The following F5 variants were observed in gnomAD, a reference collection of about 807,000 sequenced individuals.
The protein encoded by F5 is activated protein c cofactor.
F5 carries 138 observed loss-of-function variants against 216.4 expected under a neutral mutation model. That is an observed-to-expected ratio of 0.64 (90% CI 0.56 to 0.73). The LOEUF is 0.73. Ranked by LOEUF, F5 falls within the 30% of genes least tolerant of loss-of-function variation. F5 has a pLI of 0.00. For synonymous variants in F5, 916 were observed against 930.7 expected (o/e 0.98, Z 0.29); for missense variants, 2,403 against 2,674.0 (o/e 0.90, Z 2.24).
chr1:169,582,095 AC>A (rs1029227297), intron 2 of F5, among the ~76,000 whole-genome samples: 3 of 152,222 alleles, frequency 2.0e-5, no homozygotes, highest in African/African-American at 7.2e-5. Context: ...AAATTCAAAC[AC>A]TTATAAGTTT....
In F5 at chr1:169,530,894, A is replaced by G. The variant is rs1327498328; in HGVS notation, c.5100T>C (p.Val1700=). ...SPEWFKEDNA[V]QPNSSYTYVW... is the part of the protein sequence containing the mutation. ...CGTAGGTATAACTGCTATTTGGCTG[A>G]ACAGCATTATCTTCCTTAAACCATT... The change falls in exon 15 of 25, where the codon GTT becomes GTC. Residue 1700 remains valine (V), a synonymous_variant. Coordinates refer to ENST00000367797, the MANE Select transcript of F5 (RefSeq NM_000130.5). 2 of 1,614,006 alleles carry G rather than the reference A, an allele frequency of 1.2e-6. No individual in the cohort carries two copies. Among genetic ancestry groups the G allele is most frequent in the Non-Finnish European group, 1.7e-6 (2 of 1,179,894 alleles).
At chr1:169,561,523 G>A (rs1196686483) in intron 3 of F5, among the ~76,000 whole-genome samples, 4 of 152,122 alleles carry the variant, frequency 2.6e-5, no homozygotes, top group Non-Finnish European at 5.9e-5. Context: ...TAAAAGAAGT[G>A]TAGAGGGTTG....
intron 12 of F5, among the ~76,000 whole-genome samples, chr1:169,543,371 A>G (rs1659917692): frequency 6.6e-6 from 1 of 152,204 alleles, no homozygotes; most frequent in African/African-American, 2.4e-5. Context: ...TAAGCACATG[A>G]CCAGTGCGTT....
At chr1:169,568,614 G>A (rs1660661831) in intron 3 of F5, among the ~76,000 whole-genome samples, 2 of 152,144 alleles carry the variant, frequency 1.3e-5, no homozygotes, top group South Asian at 4.1e-4. Context: ...AGCACAAGAA[G>A]TCCTTGTTCA....
At chr1:169,564,641 C>G (rs1388155668) in intron 3 of F5, among the ~76,000 whole-genome samples, 1 of 152,024 alleles carries the variant, frequency 6.6e-6, no homozygotes, top group African/African-American at 2.4e-5. Flanking sequence ...GTCTGAGATG[C>G]TAAATTTCCA....
rs201931929 is a variant in F5, at chr1:169,540,414, T to C, written c.4676A>G (p.Asn1559Ser). ...AATGTTGTCAGGATCTCTGGAGGAG[T>C]TGATGTTTGTCCTAACATCAGTTTT... ...PYKTDVRTNI[N>S]SSRDPDNIAA... Residue 1559 changes from asparagine (N) to serine (S), a missense_variant, in exon 13 of 25, where the codon AAC (asparagine) becomes AGC (serine). Coordinates refer to ENST00000367797, the MANE Select transcript of F5 (RefSeq NM_000130.5). 14 of 1,613,936 alleles carry C rather than the reference T, an allele frequency of 8.7e-6. No individual in the cohort carries two copies. In the Admixed American group the frequency reaches 1.2e-4, roughly 13 times the overall value.
Position 169,550,749 on chromosome 1 carries a change from TAAATC to T in F5, c.1297-15_1297-11del, listed in dbSNP as rs762142127. On this transcript the variant is annotated splice_polypyrimidine_tract_variant and intron_variant, in intron 8 of 24. Transcript: ENST00000367797. The stretch of plus-strand genomic sequence containing the variant: ...TATTTTTGAACACGATCTACAAAGT[TAAATC>T]AAATTTATTCTAGGATTTAAGGTTG... The T allele has an allele frequency of 3.5e-5, 56 of 1,581,530 alleles. No individual in the cohort carries two copies. Among genetic ancestry groups the T allele is most frequent in the Non-Finnish European group, 4.8e-5 (55 of 1,150,438 alleles).
intron 12 of F5, among the ~76,000 whole-genome samples, chr1:169,543,673 A>G (rs1659929215): frequency 6.6e-6 from 1 of 152,228 alleles, no homozygotes; most frequent in Non-Finnish European, 1.5e-5. Context: ...TTGCTGGAAC[A>G]TCAAAGATTT....
intron 3 of F5, among the ~76,000 whole-genome samples, chr1:169,569,212 A>G (rs551008658): frequency 6.6e-6 from 1 of 152,222 alleles, no homozygotes; most frequent in African/African-American, 2.4e-5. Context: ...CATTAAGTCA[A>G]GCATTGGAAT....
chr1:169,549,166 C>A (rs1003455535), intron 10 of F5, among the ~76,000 whole-genome samples: 10 of 152,172 alleles, frequency 6.6e-5, no homozygotes, highest in Non-Finnish European at 8.8e-5. Flanking sequence ...TCTTTGGTTA[C>A]AGTTTAGCAT....
At chr1:169,532,400 A>C (rs1486113630) in intron 14 of F5, among the ~76,000 whole-genome samples, 1 of 152,204 alleles carries the variant, frequency 6.6e-6, no homozygotes, top group Non-Finnish European at 1.5e-5. Context: ...AAAAGAAGTT[A>C]AAGTATCTCT....
chr1:169,516,622 G>A (rs958222409), intron 23 of F5, among the ~76,000 whole-genome samples: 2 of 152,170 alleles, frequency 1.3e-5, no homozygotes, highest in African/African-American at 4.8e-5. Flanking sequence ...ATCTTAGTGT[G>A]TCTTCATATC....
At chr1:169,556,515 G>T in intron 6 of F5, 131 bp downstream of exon 6, 1 of 726,870 alleles carries the variant, frequency 1.4e-6, no homozygotes, top group Non-Finnish European at 2.3e-6. Flanking sequence ...ATCTAAGTTT[G>T]GTTGTTAGGA....
chr1:169,518,517 C>T lies in F5; in HGVS notation c.6240G>A (p.Lys2080=). 6.2e-7 allele frequency: 1 copy of T among 1,613,870 alleles called. No homozygotes were observed. Among genetic ancestry groups the T allele is most frequent in the Non-Finnish European group, 8.5e-7 (1 of 1,179,894 alleles). ...LGMENGKIEN[K]QITASSFKKS... Reference sequence around the variant, plus strand: ...TCTTAAACGAAGAAGCTGTGATTTGCTTGTTTTCTATCTTTCCATTTTCCA... The same window carrying T: ...TCTTAAACGAAGAAGCTGTGATTTGTTTGTTTTCTATCTTTCCATTTTCCA... The change falls in exon 23 of 25, where the codon AAG becomes AAA. Residue 2080 remains lysine, a synonymous_variant. Transcript: ENST00000367797.
intron 13 of F5, among the ~76,000 whole-genome samples, chr1:169,538,845 G>A (rs1659766672): frequency 6.6e-6 from 1 of 152,110 alleles, no homozygotes; most frequent in Admixed American, 6.6e-5. Flanking sequence ...GGATTTTTAT[G>A]GTGATGGTGA....
chr1:169,538,714 T>C (rs867097303), intron 13 of F5, among the ~76,000 whole-genome samples: 3 of 152,280 alleles, frequency 2.0e-5, no homozygotes, highest in Middle Eastern at 3.4e-3. Flanking sequence ...CTGATTCCAT[T>C]TATGTAATAT....
chr1:169,552,528 T>G, intron 8 of F5, 29 bp downstream of exon 8: 1 of 1,587,480 alleles, frequency 6.3e-7, no homozygotes, highest in South Asian at 1.1e-5. Context: ...ATGTAATTTC[T>G]CCCATGATTC....
At chr1:169,566,921 A>G (rs1021619820) in intron 3 of F5, among the ~76,000 whole-genome samples, 1 of 152,014 alleles carries the variant, frequency 6.6e-6, no homozygotes, top group African/African-American at 2.4e-5. Flanking sequence ...ATAGATCTTA[A>G]GTGTGCTTGA....
At chr1:169,538,249 C>A (rs1170392848) in intron 13 of F5, among the ~76,000 whole-genome samples, 1 of 152,124 alleles carries the variant, frequency 6.6e-6, no homozygotes, top group Non-Finnish European at 1.5e-5. Flanking sequence ...ACAAGTACTG[C>A]AGGATCTCAC....
Sources: allele counts gnomAD v4.1 joint callset (sites outside exome capture counted in the v4.1 genomes callset), GRCh38; gene constraint gnomAD v4.1.1; transcripts MANE v1.5; gene names NCBI Gene and HGNC (gene_info 2026-07-23, HGNC 2026-07-21).